The following MGLL variants were observed in gnomAD, a reference collection of about 807,000 sequenced individuals.
The protein encoded by MGLL is monoglyceride lipase.
In MGLL, 7 loss-of-function variants were observed where a neutral mutation model predicts 29.1. The ratio of observed to expected loss-of-function variants is 0.24; its 90% CI spans 0.14 to 0.45. The LOEUF (loss-of-function observed/expected upper bound fraction) is 0.45. MGLL is among the 20% of genes least tolerant of loss of function. MGLL has a pLI of 0.99. For missense variants in MGLL, 356 were observed against 413.6 expected, an observed-to-expected ratio of 0.86 and a Z score of 1.21; for synonymous variants, 148 against 168.3, an observed-to-expected ratio of 0.88 and a Z score of 0.93.
chr3:127,747,216 TC>T (rs1437756714), intron 3 of MGLL, among the ~76,000 whole-genome samples: 2 of 152,216 alleles, frequency 1.3e-5, no homozygotes, highest in African/African-American at 4.8e-5. Context: ...AAGGCCACCA[TC>T]CCAGGCCTCC....
intron 1 of MGLL, 101 bp from the exon 2 acceptor site, chr3:127,821,939 A>G: frequency 7.4e-7 from 1 of 1,353,522 alleles, no homozygotes; most frequent in South Asian, 1.4e-5. Context: ...TTTTTTTAAA[A>G]GCAGTTTAAA....
At chr3:127,707,582 G>A (rs967834225) in intron 6 of MGLL, among the ~76,000 whole-genome samples, 3 of 152,246 alleles carry the variant, frequency 2.0e-5, no homozygotes, top group Non-Finnish European at 4.4e-5. Flanking sequence ...CACTTGGCCC[G>A]GAGTAGCTGT....
chr3:127,741,752 T>C (rs2076344867), intron 3 of MGLL, among the ~76,000 whole-genome samples: 1 of 152,238 alleles, frequency 6.6e-6, no homozygotes, highest in African/African-American at 2.4e-5. Flanking sequence ...TACAGGAAGA[T>C]CGTGCAAGCA....
chr3:127,733,632 A>G (rs768275205), intron 3 of MGLL, among the ~76,000 whole-genome samples: 15 of 152,160 alleles, frequency 9.9e-5, no homozygotes, highest in Non-Finnish European at 1.8e-4. Context: ...GCCTCTACCT[A>G]GAGAGAGGGG....
chr3:127,726,509 G>A (rs1229326110), intron 3 of MGLL, among the ~76,000 whole-genome samples: 1 of 151,852 alleles, frequency 6.6e-6, no homozygotes, highest in African/African-American at 2.4e-5. Flanking sequence ...GCGCAATCTC[G>A]GCTCACTGCA....
At chr3:127,802,978 C>T (rs1401713414) in intron 2 of MGLL, among the ~76,000 whole-genome samples, 1 of 151,788 alleles carries the variant, frequency 6.6e-6, no homozygotes, top group East Asian at 1.9e-4. Context: ...GTCTCTCTCT[C>T]TCTCTCTCTT....
At chr3:127,696,528 C>T (rs2075370061) in intron 6 of MGLL, among the ~76,000 whole-genome samples, 1 of 147,502 alleles carries the variant, frequency 6.8e-6, no homozygotes, top group South Asian at 2.2e-4. Context: ...ATTCTGCTAC[C>T]TCAGCTTCCC....
chr3:127,732,189 A>T (rs758902628), intron 3 of MGLL, among the ~76,000 whole-genome samples: 2 of 152,226 alleles, frequency 1.3e-5, no homozygotes, highest in Non-Finnish European at 2.9e-5. Flanking sequence ...TTGCGTAAGG[A>T]AAGTGAGACG....
chr3:127,745,147 G>A (rs969244441), intron 3 of MGLL, among the ~76,000 whole-genome samples: 1 of 152,226 alleles, frequency 6.6e-6, no homozygotes, highest in Non-Finnish European at 1.5e-5. Flanking sequence ...ATCAGTGAAA[G>A]CCGCCATCGG....
chr3:127,811,408 C>T (rs1303667183), intron 2 of MGLL, among the ~76,000 whole-genome samples: 1 of 152,200 alleles, frequency 6.6e-6, no homozygotes, highest in Non-Finnish European at 1.5e-5. Flanking sequence ...CTTCTGGGAA[C>T]TTGCTGGAGA....
At chr3:127,754,362 A>G (rs6776002) in intron 3 of MGLL, among the ~76,000 whole-genome samples, 3,164 of 95,458 alleles carry the variant, frequency 0.033, 92 homozygotes, top group African/African-American at 0.12. Context: ...AAGAAAGAAA[A>G]AAAAAACCAG....
chr3:127,690,078 G>C lies in MGLL; in HGVS notation c.*2120C>G, dbSNP rs751786313. 9 of 152,180 alleles carry C rather than the reference G, an allele frequency of 5.9e-5. No individual in the cohort carries two copies. The highest frequency in any genetic ancestry group is 5.9e-4 in the Admixed American group (9 of 15,270). The allele number at this position is 152,180 out of a possible 1,614,324, so 9.4% of individuals were successfully genotyped here. A position where few individuals can be genotyped will look rare whatever the true frequency, so the allele number is the denominator to read the frequency against. On this transcript the variant is annotated 3_prime_UTR_variant, in exon 8 of 8. Transcript: ENST00000265052. Reference sequence around the variant, plus strand: ...AATGGTGATGCCACCACATGCATCTGGGGGAGGCAGCAGGGAGGCGTAGGG... The same window carrying C: ...AATGGTGATGCCACCACATGCATCTCGGGGAGGCAGCAGGGAGGCGTAGGG...
intron 7 of MGLL, among the ~76,000 whole-genome samples, chr3:127,693,584 T>C (rs1273893649): frequency 1.3e-5 from 2 of 152,126 alleles, no homozygotes. Context: ...CACTGGCTCT[T>C]CTCACCAACA....
intron 3 of MGLL, among the ~76,000 whole-genome samples, chr3:127,732,018 G>T (rs543856574): frequency 3.9e-5 from 6 of 152,260 alleles, no homozygotes; most frequent in South Asian, 4.2e-4. Flanking sequence ...TTTCCATGTT[G>T]TTACCATGTA....
At chr3:127,736,235 A>G in intron 3 of MGLL, 2 of 959,372 alleles carry the variant, frequency 2.1e-6, no homozygotes, top group Non-Finnish European at 2.5e-6. Flanking sequence ...AGGAAAAGCA[A>G]ATTGCTTTAA....
At chr3:127,730,565 G>T (rs2076131742) in intron 3 of MGLL, among the ~76,000 whole-genome samples, 1 of 152,126 alleles carries the variant, frequency 6.6e-6, no homozygotes, top group Non-Finnish European at 1.5e-5. Flanking sequence ...CTAAATGCAG[G>T]TGCAGCTTCC....
intron 2 of MGLL, among the ~76,000 whole-genome samples, chr3:127,808,215 A>G (rs2077603532): frequency 6.6e-6 from 1 of 152,148 alleles, no homozygotes. Context: ...TTATTGGTTT[A>G]TGTGATTGTT....
intron 2 of MGLL, among the ~76,000 whole-genome samples, chr3:127,799,821 C>T (rs2077446249): frequency 1.3e-5 from 2 of 152,182 alleles, no homozygotes; most frequent in East Asian, 1.9e-4. Context: ...TTAACACTGT[C>T]CTGTGGTAGC....
At chr3:127,714,387 G>A (rs551836393) in intron 5 of MGLL, among the ~76,000 whole-genome samples, 5 of 152,324 alleles carry the variant, frequency 3.3e-5, no homozygotes, top group African/African-American at 9.6e-5. Context: ...GCCCAAGGAC[G>A]GAAGGGACAA....
Sources: gnomAD v4.1 joint callset for allele counts (sites outside exome capture counted in the v4.1 genomes callset) on GRCh38, gnomAD v4.1.1 for gene constraint, MANE v1.5 for transcripts, NCBI Gene and HGNC (gene_info 2026-07-23, HGNC 2026-07-21) for gene names.